DCAF8L2: variants seen among roughly 807,000 people sequenced by gnomAD.
DCAF8L2 encodes the protein DDB1- and CUL4-associated factor 8-like protein 2.
For missense variants in DCAF8L2, 430 were observed against 490.7 expected (o/e 0.88, Z 1.17); for synonymous variants, 200 against 190.9 (o/e 1.05, Z -0.39).
At chrX:27,704,057 G>GTA (rs1931228413) in intron 3 of DCAF8L2, among the ~76,000 whole-genome samples, 2 of 69,839 alleles carry the variant, frequency 2.9e-5, no homozygotes, top group Non-Finnish European at 5.2e-5. Context: ...AACACATTGT[G>GTA]TGTGTATATA....
the DCAF8L2 span, among the ~76,000 whole-genome samples, chrX:27,580,490 A>G: frequency 1.3e-4 from 14 of 111,586 alleles, no homozygotes; most frequent in Non-Finnish European, 3.8e-5. Context: ...ACATTCAAAC[A>G]TAATTCTGTG....
intron 3 of DCAF8L2, among the ~76,000 whole-genome samples, chrX:27,698,189 C>A (rs1218379806): frequency 9.0e-6 from 1 of 110,915 alleles, no homozygotes; most frequent in African/African-American, 3.3e-5. Flanking sequence ...GATAAACTTT[C>A]TTTAATATTG....
At position 27,606,358 on chromosome X, in the gene DCAF8L2, AATATATAT is replaced by A. The variant is rs200718182; in HGVS notation, c.-342+15935_-342+15942del. 2.3e-3 allele frequency among the ~76,000 whole-genome samples: 92 copies of A among 39,754 alleles called. 3 individuals are homozygous for A. The highest frequency in any genetic ancestry group is 0.013 in the African/African-American group (72 of 5,404). 34.5% of individuals were successfully genotyped at this position (39,754 alleles called of 115,157 possible). On this transcript the variant is annotated intron_variant, in intron 1 of 4. Coordinates refer to ENST00000451261, the MANE Select transcript of DCAF8L2 (RefSeq NM_001353450.2). ...TATAGGAATTATATATATATCTAGG[AATATATAT>A]ATATATATATATATATTCTTTTGAG... is the stretch of plus-strand genomic sequence containing the variant.
chrX:27,698,411 C>T (rs1027612921), intron 3 of DCAF8L2, among the ~76,000 whole-genome samples: 4 of 111,397 alleles, frequency 3.6e-5, no homozygotes, highest in African/African-American at 1.3e-4. Context: ...GGTTTGGCTA[C>T]CAGAGAACTT....
At chrX:27,498,866 C>T in the DCAF8L2 span, among the ~76,000 whole-genome samples, 6 of 111,872 alleles carry the variant, frequency 5.4e-5, no homozygotes, top group African/African-American at 2.0e-4. Flanking sequence ...TCTGTGTTGT[C>T]ACAACTAGCA....
the DCAF8L2 span, among the ~76,000 whole-genome samples, chrX:27,541,078 A>T: frequency 9.0e-6 from 1 of 111,427 alleles, no homozygotes; most frequent in South Asian, 3.7e-4. Flanking sequence ...TTCATTGAAA[A>T]ATCAACTCAC....
chrX:27,474,649 G>T, the DCAF8L2 span, among the ~76,000 whole-genome samples: 1 of 111,932 alleles, frequency 8.9e-6, no homozygotes, highest in Non-Finnish European at 1.9e-5. Flanking sequence ...AAACATGTTG[G>T]TTCATGTTAA....
the DCAF8L2 span, among the ~76,000 whole-genome samples, chrX:27,505,453 T>C: frequency 5.2e-4 from 58 of 112,414 alleles, no homozygotes; most frequent in Non-Finnish European, 8.5e-4. Context: ...AAAGTATACC[T>C]ACTTACTGAT....
chrX:27,561,203 CTT>C, the DCAF8L2 span, among the ~76,000 whole-genome samples: 4 of 111,746 alleles, frequency 3.6e-5, no homozygotes, highest in African/African-American at 1.3e-4. Context: ...GTTTGTGTGT[CTT>C]TCCAAGTCTT....
At chrX:27,676,570 T>G (rs1930146293) in intron 2 of DCAF8L2, among the ~76,000 whole-genome samples, 2 of 110,770 alleles carry the variant, frequency 1.8e-5, no homozygotes, top group Admixed American at 1.9e-4. Context: ...TAGCAGAGGT[T>G]GGAACCACCA....
intron 1 of DCAF8L2, among the ~76,000 whole-genome samples, chrX:27,613,903 C>T (rs968691784): frequency 7.2e-5 from 8 of 111,191 alleles, no homozygotes; most frequent in African/African-American, 2.6e-4. Context: ...GGATATTGGG[C>T]TAAAATTCTC....
rs377420810 is a variant in DCAF8L2, at chrX:27,748,769, G to C, written c.1874G>C (p.Arg625Pro). Residue 625 changes from arginine to proline, a missense_variant, in exon 5 of 5, where the codon CGA (arginine) becomes CCA (proline). By Grantham distance (103) the Arg-to-Pro change is moderately radical (BLOSUM62 -2). Transcript: ENST00000451261. ...ACATCTGAGGAGGAGGTCCAAGACC[G>C]AGTGCAGTGCATGCCATCCTGAAGG... Reference protein sequence around the residue: ...SETSEEEVQDRVQCMPS With the variant: ...SETSEEEVQDPVQCMPS 8.3e-6 allele frequency: 10 copies of C among 1,202,059 alleles called. No individual in the cohort carries two copies. The Admixed American group carries it at 8.8e-5, about 11-fold the overall frequency.
chrX:27,483,973 G>A, the DCAF8L2 span, among the ~76,000 whole-genome samples: 1 of 111,441 alleles, frequency 9.0e-6, no homozygotes, highest in Non-Finnish European at 1.9e-5. Context: ...GAAAATTCAA[G>A]CAGATCTTTC....
rs1569202492 is a variant in DCAF8L2, at chrX:27,748,356, C to T, written c.1461C>T (p.Ser487=). ...FYGPRSEFVV[S]GSDCGHIFFW... is the part of the protein sequence containing the mutation. ...GCCCCAGGAGTGAGTTTGTAGTGAGCGGTAGTGATTGCGGGCACATCTTCT... is the reference window on the plus strand; with the variant it reads ...GCCCCAGGAGTGAGTTTGTAGTGAGTGGTAGTGATTGCGGGCACATCTTCT... The change falls in exon 5 of 5, where the codon AGC becomes AGT. Residue 487 remains serine (S), a synonymous_variant. Transcript: ENST00000451261. The T allele has an allele frequency of 5.8e-6, 7 of 1,206,187 alleles. No homozygotes were observed. The highest frequency in any genetic ancestry group is 1.8e-5 in the South Asian group (1 of 56,306).
chrX:27,512,712 C>A, the DCAF8L2 span, among the ~76,000 whole-genome samples: 1 of 62,314 alleles, frequency 1.6e-5, no homozygotes, highest in African/African-American at 6.2e-5. Context: ...TTCACAGCAA[C>A]AGAAAAAAAA....
the DCAF8L2 span, among the ~76,000 whole-genome samples, chrX:27,489,061 A>G: frequency 9.0e-6 from 1 of 111,322 alleles, no homozygotes; most frequent in Non-Finnish European, 1.9e-5. Flanking sequence ...TTTTAACATT[A>G]TATTGTCAAT....
At chrX:27,657,895 T>C (rs1277236628) in intron 2 of DCAF8L2, among the ~76,000 whole-genome samples, 1 of 112,172 alleles carries the variant, frequency 8.9e-6, no homozygotes, top group Non-Finnish European at 1.9e-5. Context: ...TTTTGTAACA[T>C]CAAATACCAT....
chrX:27,563,148 G>T, the DCAF8L2 span, among the ~76,000 whole-genome samples: 1 of 110,181 alleles, frequency 9.1e-6, no homozygotes, highest in Non-Finnish European at 1.9e-5. Context: ...ATAGAAGTAC[G>T]AACTGGTTTC....
At chrX:27,628,670 C>G (rs1928151049) in intron 1 of DCAF8L2, among the ~76,000 whole-genome samples, 1 of 106,071 alleles carries the variant, frequency 9.4e-6, no homozygotes, top group African/African-American at 3.5e-5. Context: ...GTGGCGCGAT[C>G]TCGGCTCACT....
Sources: gnomAD v4.1 joint callset for allele counts (sites outside exome capture counted in the v4.1 genomes callset) on GRCh38, gnomAD v4.1.1 for gene constraint, MANE v1.5 for transcripts, NCBI Gene and HGNC (gene_info 2026-07-23, HGNC 2026-07-21) for gene names.